PCGF5: variants seen among roughly 807,000 people sequenced by gnomAD.
PCGF5 encodes polycomb group RING finger protein 5.
In PCGF5, 9 loss-of-function variants were observed where a neutral mutation model predicts 44.3. That is an observed-to-expected ratio of 0.20 (90% CI 0.12 to 0.35). The LOEUF is 0.35. PCGF5 is among the 10% of genes least tolerant of loss of function. PCGF5 has a pLI of 1.00. For missense variants in PCGF5, 146 were observed against 305.3 expected (o/e 0.48, Z 3.89); for synonymous variants, 95 against 102.5 (o/e 0.93, Z 0.44).
intron 6 of PCGF5, among the ~76,000 whole-genome samples, chr10:91,253,158 G>A (rs1191104464): frequency 2.0e-5 from 3 of 151,784 alleles, no homozygotes; most frequent in African/African-American, 4.8e-5. Flanking sequence ...TCCATTTTCT[G>A]TGTGGCTTCA....
upstream of PCGF5, among the ~76,000 whole-genome samples, chr10:91,218,432 C>T (rs143333470): frequency 8.5e-5 from 13 of 152,102 alleles, no homozygotes; most frequent in African/African-American, 2.7e-4. Context: ...TTGTAGCTTC[C>T]GTCATTTGTC....
chr10:91,158,999 G>A (rs1177971335), upstream of PCGF5, among the ~76,000 whole-genome samples: 2 of 152,132 alleles, frequency 1.3e-5, no homozygotes, highest in Non-Finnish European at 2.9e-5. Context: ...GAGGACTGGT[G>A]GGGGGATCCA....
intron 1 of PCGF5, among the ~76,000 whole-genome samples, chr10:91,177,998 C>T (rs778811033): frequency 5.3e-5 from 8 of 152,186 alleles, no homozygotes; most frequent in Admixed American, 4.6e-4. Flanking sequence ...CCATATTCTG[C>T]GTCGCTCACA....
intron 9 of PCGF5, among the ~76,000 whole-genome samples, chr10:91,272,543 C>T (rs1354843388): frequency 6.6e-6 from 1 of 152,020 alleles, no homozygotes; most frequent in Admixed American, 6.6e-5. Context: ...GAGACTGAGG[C>T]GGGCAGATCT....
intron 1 of PCGF5, among the ~76,000 whole-genome samples, chr10:91,187,426 G>A (rs760496255): frequency 6.6e-6 from 1 of 152,022 alleles, no homozygotes; most frequent in Non-Finnish European, 1.5e-5. Flanking sequence ...ACAGTCCATA[G>A]AGAAGGGATT....
Position 91,249,296 on chromosome 10 carries a change from C to T in PCGF5, c.325+572C>T, listed in dbSNP as rs573526908. ...GATTTCTCCTCTGGGTCCCAAAAGACTCAGCAATTAGTAATTTTTAATAAT... is the reference window on the plus strand; with the variant it reads ...GATTTCTCCTCTGGGTCCCAAAAGATTCAGCAATTAGTAATTTTTAATAAT... On this transcript the variant is annotated intron_variant, in intron 5 of 9. Coordinates refer to ENST00000336126, the MANE Select transcript of PCGF5 (RefSeq NM_032373.5). Among the ~76,000 whole-genome samples, 179 of 150,132 alleles carry T rather than the reference C, an allele frequency of 1.2e-3. 1 individual carries two copies. Among genetic ancestry groups the T allele is most frequent in the Non-Finnish European group, 2.2e-3 (148 of 67,516 alleles).
chr10:91,163,601 G>A (rs987237043), intron 1 of PCGF5, among the ~76,000 whole-genome samples: 1 of 152,112 alleles, frequency 6.6e-6, no homozygotes. Flanking sequence ...TAGTTTGGGG[G>A]CCGCTGGCTC....
intron 1 of PCGF5, among the ~76,000 whole-genome samples, chr10:91,178,745 G>A (rs1490264004): frequency 7.0e-6 from 1 of 143,612 alleles, no homozygotes; most frequent in Non-Finnish European, 1.5e-5. Flanking sequence ...TAATTTTCAT[G>A]GGTTACTTTG....
chr10:91,225,026 G>A (rs7071503), intron 2 of PCGF5, among the ~76,000 whole-genome samples: 19,759 of 151,768 alleles, frequency 0.13, 2,413 homozygotes, highest in African/African-American at 0.32. Context: ...ATGAGAAGAA[G>A]GCACAAACTC....
chr10:91,164,949 G>T (rs917897571), intron 1 of PCGF5, among the ~76,000 whole-genome samples: 1 of 152,230 alleles, frequency 6.6e-6, no homozygotes, highest in African/African-American at 2.4e-5. Flanking sequence ...GATTTGGGCT[G>T]TTTTGTTCGC....
rs1846371988 is a variant in PCGF5, at chr10:91,278,502, C to T, written c.*186C>T. On this transcript the variant is annotated 3_prime_UTR_variant, in exon 10 of 10. Transcript: ENST00000336126. Reference sequence around the variant, plus strand: ...GTTTCTATTAGGAGCAAACCAAGTGCCATTCTGCTACTGAACCATCTGCAT... The same window carrying T: ...GTTTCTATTAGGAGCAAACCAAGTGTCATTCTGCTACTGAACCATCTGCAT... The T allele has an allele frequency of 3.3e-6, 2 of 600,908 alleles. No homozygotes were observed. Among genetic ancestry groups the T allele is most frequent in the South Asian group, 4.2e-5 (2 of 47,868 alleles). The allele number at this position is 600,908 out of a possible 1,614,324, so 37.2% of individuals were successfully genotyped here. A position where few individuals can be genotyped will look rare whatever the true frequency, so the allele number is the denominator to read the frequency against.
chr10:91,174,313 C>T (rs558299636), intron 1 of PCGF5, among the ~76,000 whole-genome samples: 45 of 152,124 alleles, frequency 3.0e-4, no homozygotes, highest in Non-Finnish European at 4.7e-4. Flanking sequence ...TGGAGACCAG[C>T]CTGGCCAACA....
chr10:91,227,507 T>C (rs1193479326), intron 2 of PCGF5: 5 of 1,262,392 alleles, frequency 4.0e-6, no homozygotes, highest in Non-Finnish European at 5.1e-6. Context: ...TGCTGGTCTC[T>C]CTCTTTAATA....
chr10:91,237,964 C>G (rs1017874702), intron 2 of PCGF5, among the ~76,000 whole-genome samples: 1 of 152,022 alleles, frequency 6.6e-6, no homozygotes, highest in East Asian at 1.9e-4. Context: ...AAAATGTGAG[C>G]CATGTGTATA....
chr10:91,262,190 G>T (rs4278434), intron 7 of PCGF5, among the ~76,000 whole-genome samples: 19,864 of 152,052 alleles, frequency 0.13, 2,437 homozygotes, highest in African/African-American at 0.32. Context: ...TTGGGGAGGC[G>T]GAGGCTAGTG....
intron 1 of PCGF5, among the ~76,000 whole-genome samples, chr10:91,183,663 C>T (rs1843864047): frequency 6.6e-6 from 1 of 152,156 alleles, no homozygotes. Flanking sequence ...TATAGTGTCA[C>T]TGGTCTGTGT....
Position 91,279,751 on chromosome 10 carries a change from CTG to C in PCGF5, c.*1441_*1442del, listed in dbSNP as rs1199588026. ...ATTTGAGAAATATGACGAGCACAAT[CTG>C]TGTGTTACACACATTTAGTTTTTAT... On this transcript the variant is annotated 3_prime_UTR_variant, in exon 10 of 10. Coordinates refer to ENST00000336126, the MANE Select transcript of PCGF5 (RefSeq NM_032373.5). 1 of 152,094 alleles carries C rather than the reference CTG, an allele frequency of 6.6e-6. No homozygotes were observed. Among genetic ancestry groups the C allele is most frequent in the Non-Finnish European group, 1.5e-5 (1 of 67,956 alleles). The allele number at this position is 152,094 out of a possible 1,614,324, so 9.4% of individuals were successfully genotyped here. A position where few individuals can be genotyped will look rare whatever the true frequency, so the allele number is the denominator to read the frequency against.
intron 1 of PCGF5, among the ~76,000 whole-genome samples, chr10:91,196,452 C>T (rs978513260): frequency 8.5e-5 from 13 of 152,222 alleles, no homozygotes; most frequent in African/African-American, 2.9e-4. Flanking sequence ...TATGTCCCTT[C>T]TCACCCCAGG....
At chr10:91,172,692 T>G (rs1320064484) in intron 1 of PCGF5, among the ~76,000 whole-genome samples, 1 of 152,238 alleles carries the variant, frequency 6.6e-6, no homozygotes, top group Non-Finnish European at 1.5e-5. Context: ...CTTTTGTGTT[T>G]GCCCCCAAGT....
Sources: allele counts gnomAD v4.1 joint callset (sites outside exome capture counted in the v4.1 genomes callset), GRCh38; gene constraint gnomAD v4.1.1; transcripts MANE v1.5; gene names NCBI Gene and HGNC (gene_info 2026-07-23, HGNC 2026-07-21).